Variants in ADGRV1 observed in about 807,000 individuals in gnomAD.
The protein encoded by ADGRV1 is G-protein coupled receptor 98.
Under a neutral mutation model 596.2 loss-of-function variants are expected in ADGRV1, and 359 were observed. That is an observed-to-expected ratio of 0.60 (90% CI 0.55 to 0.66). The LOEUF (loss-of-function observed/expected upper bound fraction) is 0.66. Among genes scored for constraint, ADGRV1 ranks in the 30% least tolerant of loss-of-function variants. ADGRV1 has a pLI of 0.00. For synonymous variants in ADGRV1, 2,681 were observed against 2,679.2 expected (o/e 1.00, Z -0.02); for missense variants, 7,274 against 7,575.6 (o/e 0.96, Z 1.48).
At chr5:90,735,695 C>A (rs143907327) in intron 50 of ADGRV1, among the ~76,000 whole-genome samples, 1 of 151,860 alleles carries the variant, frequency 6.6e-6, no homozygotes, top group Non-Finnish European at 1.5e-5. Context: ...CTTTCATCAG[C>A]GTTGTACAGT....
At chr5:90,950,907 T>C (rs150891695) in intron 83 of ADGRV1, among the ~76,000 whole-genome samples, 1 of 143,064 alleles carries the variant, frequency 7.0e-6, no homozygotes, top group Non-Finnish European at 1.6e-5. Flanking sequence ...ATGGATGATA[T>C]GGCTAATTAA....
At chr5:90,712,804 T>A (rs915178790) in intron 42 of ADGRV1, among the ~76,000 whole-genome samples, 1 of 152,150 alleles carries the variant, frequency 6.6e-6, no homozygotes, top group African/African-American at 2.4e-5. Context: ...ACTTTGTACC[T>A]TTGTACAAAG....
chr5:91,002,445 A>G (rs1252787301), intron 85 of ADGRV1, among the ~76,000 whole-genome samples: 1 of 152,116 alleles, frequency 6.6e-6, no homozygotes, highest in African/African-American at 2.4e-5. Context: ...ACTGCTTCCA[A>G]TGCGAATGTC....
rs770916018 is a variant in ADGRV1, at chr5:90,756,493, A to G, written c.11620A>G (p.Ile3874Val). 12 of 1,598,468 alleles carry G rather than the reference A, an allele frequency of 7.5e-6. No individual in the cohort carries two copies. Among genetic ancestry groups the G allele is most frequent in the Non-Finnish European group, 1.0e-5 (12 of 1,172,332 alleles). The change falls in exon 56 of 90, where the codon ATC becomes GTC. Residue 3874 changes from isoleucine (I) to valine (V), a missense_variant. Physicochemically the swap from Ile to Val is conservative, Grantham distance 29. Transcript: ENST00000405460. ...ATTGGAGGAAGGATTTATTGTCACT[A>G]TCACTGAGGTGAACCTGGTGAACTC... Reference protein sequence around the residue: ...PELEEGFIVTITEVNLVNSDF... With the variant: ...PELEEGFIVTVTEVNLVNSDF...
intron 17 of ADGRV1, among the ~76,000 whole-genome samples, chr5:90,650,275 G>T (rs1768399547): frequency 6.6e-6 from 1 of 152,184 alleles, no homozygotes; most frequent in African/African-American, 2.4e-5. Flanking sequence ...AGTTCATCTT[G>T]CAGAGAAACA....
chr5:90,559,005 G>A, intron 1 of ADGRV1, 88 bp downstream of exon 1: 2 of 1,219,562 alleles, frequency 1.6e-6, no homozygotes, highest in Non-Finnish European at 2.2e-6. Context: ...GCAGGTGGGC[G>A]GCGAGGGCGG....
chr5:90,788,754 G>C (rs1759747429), intron 68 of ADGRV1, among the ~76,000 whole-genome samples: 1 of 152,082 alleles, frequency 6.6e-6, no homozygotes, highest in East Asian at 1.9e-4. Flanking sequence ...ATAATGCAGA[G>C]GGATGACCCA....
intron 85 of ADGRV1, among the ~76,000 whole-genome samples, chr5:91,045,651 T>C (rs1483750055): frequency 6.6e-6 from 1 of 152,102 alleles, no homozygotes; most frequent in Non-Finnish European, 1.5e-5. Context: ...TTTCTTCAAC[T>C]TAGTACTGGA....
At position 90,651,667 on chromosome 5, in the gene ADGRV1, A is replaced by G; in HGVS notation, c.3353A>G (p.Asn1118Ser). Reference protein sequence around the residue: ...TVIIEANDDPNGIFSLEPIDK... With the variant: ...TVIIEANDDPSGIFSLEPIDK... Reference sequence around the variant, plus strand: ...ATAATTGAAGCTAATGATGACCCAAATGGCATTTTTTCTCTGGAGCCCATA... The same window carrying G: ...ATAATTGAAGCTAATGATGACCCAAGTGGCATTTTTTCTCTGGAGCCCATA... The change falls in exon 18 of 90, where the codon AAT becomes AGT. Residue 1118 changes from asparagine to serine, a missense_variant. Around this residue, in one of 5 missense-constraint regions of ADGRV1, gnomAD observed 1,715 missense variants for 1,708.8 expected, o/e 1.00. Transcript: ENST00000405460. 2.5e-6 allele frequency: 4 copies of G among 1,612,792 alleles called. No homozygotes were observed. Among genetic ancestry groups the G allele is most frequent in the Non-Finnish European group, 3.4e-6 (4 of 1,179,096 alleles).
intron 82 of ADGRV1, among the ~76,000 whole-genome samples, chr5:90,856,132 A>G (rs1767001896): frequency 1.3e-5 from 2 of 152,188 alleles, no homozygotes; most frequent in Admixed American, 1.3e-4. Flanking sequence ...CCCCATAAAG[A>G]ATATGTAATA....
At chr5:90,836,342 A>G (rs1056898133) in intron 77 of ADGRV1, among the ~76,000 whole-genome samples, 4 of 152,144 alleles carry the variant, frequency 2.6e-5, no homozygotes, top group African/African-American at 4.8e-5. Flanking sequence ...GTGTCCTTCA[A>G]TGGGTGAATA....
At chr5:90,978,282 G>C (rs557661903) in intron 84 of ADGRV1, among the ~76,000 whole-genome samples, 1 of 143,554 alleles carries the variant, frequency 7.0e-6, no homozygotes, top group Admixed American at 7.0e-5. Flanking sequence ...GGGACAGAGC[G>C]AGACTTCATC....
intron 48 of ADGRV1, among the ~76,000 whole-genome samples, chr5:90,726,424 C>T (rs141966450): frequency 2.2e-4 from 33 of 152,146 alleles, no homozygotes. Flanking sequence ...CATTTCATTT[C>T]CTTTCTCCCT....
intron 84 of ADGRV1, among the ~76,000 whole-genome samples, chr5:90,965,895 T>G (rs1778414553): frequency 6.6e-6 from 1 of 152,206 alleles, no homozygotes; most frequent in African/African-American, 2.4e-5. Context: ...AAGATCTCCC[T>G]GTTTGTAGTG....
chr5:90,710,434 A>G (rs1749184075), intron 39 of ADGRV1, among the ~76,000 whole-genome samples: 1 of 152,104 alleles, frequency 6.6e-6, no homozygotes, highest in African/African-American at 2.4e-5. Context: ...ATAAAAAGGG[A>G]AGATAAGTTT....
intron 1 of ADGRV1, among the ~76,000 whole-genome samples, chr5:90,595,800 A>C (rs1249245748): frequency 6.3e-5 from 7 of 110,934 alleles, no homozygotes; most frequent in African/African-American, 1.4e-4. Flanking sequence ...TGACCCCCCC[A>C]CCTCCCTCCC....
intron 48 of ADGRV1, 46 bp from the exon 49 acceptor site, chr5:90,728,623 T>A: frequency 6.5e-7 from 1 of 1,530,850 alleles, no homozygotes. Flanking sequence ...TTGCAAGTGC[T>A]AAATTCCTAG....
At chr5:91,023,648 C>A (rs186640340) in intron 85 of ADGRV1, among the ~76,000 whole-genome samples, 50 of 152,130 alleles carry the variant, frequency 3.3e-4, no homozygotes, top group African/African-American at 1.2e-3. Flanking sequence ...GCAAAAAGAT[C>A]CTGGGCCACC....
intron 49 of ADGRV1, among the ~76,000 whole-genome samples, chr5:90,729,258 A>G (rs949958197): frequency 6.6e-6 from 1 of 152,222 alleles, no homozygotes; most frequent in African/African-American, 2.4e-5. Flanking sequence ...TTGATGTGCC[A>G]TGAATAATTT....
Sources: allele counts gnomAD v4.1 joint callset (sites outside exome capture counted in the v4.1 genomes callset), GRCh38; gene constraint gnomAD v4.1.1; regional missense constraint gnomAD v4.1.1; transcripts MANE v1.5; gene names NCBI Gene and HGNC (gene_info 2026-07-23, HGNC 2026-07-21).